RALGPS1: variants seen among roughly 807,000 people sequenced by gnomAD.
The protein encoded by RALGPS1 is Ral GEF with PH domain and SH3 binding motif 1, also known as ras-specific guanine nucleotide-releasing factor RalGPS1.
In RALGPS1, 19 loss-of-function variants were observed where a neutral mutation model predicts 78.8. That is an observed-to-expected ratio of 0.24 (90% CI 0.17 to 0.35). The LOEUF is 0.35. Among genes scored for constraint, RALGPS1 ranks in the 10% least tolerant of loss-of-function variants. The probability of loss-of-function intolerance (pLI) is 1.00; values close to 1 mark genes in which losing one functional copy is unlikely to be tolerated. For missense variants in RALGPS1, 454 were observed against 688.3 expected (o/e 0.66, Z 3.81); for synonymous variants, 228 against 256.3 (o/e 0.89, Z 1.06).
At chr9:126,947,080 T>C (rs2037346979) in intron 1 of RALGPS1, among the ~76,000 whole-genome samples, 1 of 152,232 alleles carries the variant, frequency 6.6e-6, no homozygotes, top group Non-Finnish European at 1.5e-5. Flanking sequence ...GAGAAATGCA[T>C]ATTCCTCATT....
intron 4 of RALGPS1, among the ~76,000 whole-genome samples, chr9:126,993,091 T>C (rs1475168139): frequency 1.3e-5 from 2 of 152,240 alleles, no homozygotes. Flanking sequence ...AATGGGTATT[T>C]GAGTTTTATC....
chr9:127,100,269 G>A (rs1303056559), intron 8 of RALGPS1, among the ~76,000 whole-genome samples: 3 of 152,172 alleles, frequency 2.0e-5, no homozygotes, highest in Non-Finnish European at 4.4e-5. Context: ...TCTATTAAAT[G>A]TGTGAGGTAG....
At chr9:127,207,248 C>T (rs1025565039) in intron 14 of RALGPS1, among the ~76,000 whole-genome samples, 31 of 152,258 alleles carry the variant, frequency 2.0e-4, no homozygotes, top group Middle Eastern at 3.4e-3. Context: ...ACCTTGTACA[C>T]CCCTTGGGAC....
chr9:126,952,667 GTGTGTGTGTGTGTC>G (rs1588615406), intron 1 of RALGPS1, among the ~76,000 whole-genome samples: 2 of 107,686 alleles, frequency 1.9e-5, no homozygotes, highest in African/African-American at 2.6e-5. Flanking sequence ...GTGTGTGTGT[GTGTGTGTGTGTGTC>G]TGTGTGTCTG....
Position 127,218,898 on chromosome 9 carries a change from A to T in RALGPS1, c.*129A>T. 9.2e-7 allele frequency: 1 copy of T among 1,087,914 alleles called. No individual in the cohort carries two copies. Among genetic ancestry groups the T allele is most frequent in the East Asian group, 2.4e-5 (1 of 42,316 alleles). 67.4% of individuals were successfully genotyped at this position (1,087,914 alleles called of 1,614,324 possible). A position where few individuals can be genotyped will look rare whatever the true frequency, so the allele number is the denominator to read the frequency against. ...AAACTCACAGCTGGACTCAGGGGAC[A>T]CGGCCTGTGGCCTCACCATCCCAGA... On this transcript the variant is annotated 3_prime_UTR_variant, in exon 19 of 19. Coordinates refer to ENST00000259351, the MANE Select transcript of RALGPS1 (RefSeq NM_014636.3). The surrounding 1 kb of genome is among the most constrained non-coding windows in gnomAD (Gnocchi z 4.4).
intron 7 of RALGPS1, among the ~76,000 whole-genome samples, chr9:127,055,743 G>T (rs560121557): frequency 1.1e-4 from 17 of 152,118 alleles, no homozygotes; most frequent in Non-Finnish European, 1.9e-4. Flanking sequence ...GACAATTCCA[G>T]CTTACTCCCT....
intron 4 of RALGPS1, among the ~76,000 whole-genome samples, chr9:126,989,020 G>A: frequency 6.6e-6 from 1 of 152,164 alleles, no homozygotes; most frequent in East Asian, 1.9e-4. Flanking sequence ...GACCACTTGA[G>A]CCTAGGAGTT....
At chr9:126,977,623 C>G in intron 3 of RALGPS1, 72 bp from the exon 4 acceptor site, 5 of 1,084,300 alleles carry the variant, frequency 4.6e-6, no homozygotes, top group South Asian at 4.4e-5. Context: ...GTGTATATGA[C>G]TCTGTATAAA....
chr9:126,932,342 T>C (rs147163194), intron 1 of RALGPS1, among the ~76,000 whole-genome samples: 4 of 152,342 alleles, frequency 2.6e-5, no homozygotes, highest in South Asian at 4.1e-4. Context: ...CTATCAAAGC[T>C]GAACATATAC....
intron 5 of RALGPS1, among the ~76,000 whole-genome samples, chr9:127,048,735 A>T (rs1434426727): frequency 6.6e-6 from 1 of 152,238 alleles, no homozygotes; most frequent in Non-Finnish European, 1.5e-5. Flanking sequence ...ATATTAAAAT[A>T]TAAGGTTTAT....
At chr9:127,054,239 T>G (rs1232731873) in intron 7 of RALGPS1, among the ~76,000 whole-genome samples, 2 of 152,222 alleles carry the variant, frequency 1.3e-5, no homozygotes, top group African/African-American at 4.8e-5. Context: ...ATCTGACCAG[T>G]GAGGCTTTTT....
chr9:126,960,712 C>T (rs1198634221), intron 1 of RALGPS1, among the ~76,000 whole-genome samples: 3 of 152,176 alleles, frequency 2.0e-5, no homozygotes, highest in African/African-American at 7.2e-5. Context: ...GACCTTTGGG[C>T]TAGATCTTGC....
intron 4 of RALGPS1, among the ~76,000 whole-genome samples, chr9:126,987,103 G>C (rs1380957768): frequency 6.6e-6 from 1 of 152,170 alleles, no homozygotes; most frequent in Non-Finnish European, 1.5e-5. Context: ...CAGTGTCCCA[G>C]AGGAGGTGAT....
At chr9:127,051,132 A>G (rs543476303) in intron 6 of RALGPS1, among the ~76,000 whole-genome samples, 12 of 152,328 alleles carry the variant, frequency 7.9e-5, no homozygotes, top group African/African-American at 2.9e-4. Context: ...GTTAAGAGCA[A>G]TGGCCACATT....
chr9:127,135,657 A>C (rs533707628), intron 8 of RALGPS1, among the ~76,000 whole-genome samples: 1 of 152,298 alleles, frequency 6.6e-6, no homozygotes, highest in South Asian at 2.1e-4. Flanking sequence ...CCCCTGTGGG[A>C]GCAGATCTTG....
At chr9:126,986,441 T>C (rs943805) in intron 4 of RALGPS1, among the ~76,000 whole-genome samples, 151,176 of 152,240 alleles carry the variant, frequency 0.99, 75,070 homozygotes, top group Middle Eastern at 1. Context: ...TGCCAGGGCT[T>C]GGGGCAAGGG....
chr9:127,208,080 G>C (rs912121423), intron 14 of RALGPS1, among the ~76,000 whole-genome samples: 1 of 152,210 alleles, frequency 6.6e-6, no homozygotes, highest in Admixed American at 6.5e-5. Flanking sequence ...GCATGCTCTT[G>C]TGTGAAAGCA....
chr9:127,108,209 T>C, intron 8 of RALGPS1: 1 of 1,614,100 alleles, frequency 6.2e-7, no homozygotes, highest in Non-Finnish European at 8.5e-7. Context: ...TCCTTGTACT[T>C]GCTGGCCAGC....
chr9:127,013,880 T>C (rs959943664), intron 4 of RALGPS1, among the ~76,000 whole-genome samples: 2 of 152,226 alleles, frequency 1.3e-5, no homozygotes, highest in South Asian at 4.2e-4. Flanking sequence ...CTGCCTGGCA[T>C]GCTAGTCCCC....
Sources: gnomAD v4.1 joint callset for allele counts (sites outside exome capture counted in the v4.1 genomes callset) on GRCh38, gnomAD v4.1.1 for gene constraint, Gnocchi (gnomAD v3.1) non-coding constraint, MANE v1.5 for transcripts, NCBI Gene and HGNC (gene_info 2026-07-23, HGNC 2026-07-21) for gene names.